HINFP: variants seen among roughly 807,000 people sequenced by gnomAD.
HINFP encodes the protein MBD2 (methyl-CpG-binding protein)-interacting zinc finger protein.
A neutral mutation model predicts 50.1 loss-of-function variants in HINFP; 20 were observed. The observed-to-expected ratio is 0.40, with a 90% CI of 0.28 to 0.58. HINFP has a LOEUF of 0.58. Ranked by LOEUF, HINFP falls within the 20% of genes least tolerant of loss-of-function variation. The pLI, the probability that HINFP is intolerant of heterozygous loss-of-function variation, is 0.45. For missense variants in HINFP, 505 were observed against 664.1 expected (o/e 0.76, Z 2.63); for synonymous variants, 247 against 243.7 (o/e 1.01, Z -0.13).
In HINFP at chr11:119,130,918, C is replaced by G; in HGVS notation, c.375C>G (p.Ile125Met). The change falls in exon 3 of 10, where the codon ATC (isoleucine) becomes ATG (methionine). Residue 125 changes from isoleucine (I) to methionine (M), a missense_variant. By Grantham distance (10) the Ile-to-Met change is conservative. Coordinates refer to ENST00000350777, the MANE Select transcript of HINFP (RefSeq NM_198971.3). ...DFQSRNVIPD[I>M]PDHFLCLWEH... is the part of the protein sequence containing the mutation. ...AGAGCCGGAACGTCATCCCTGATATCCCTGACCACTTCCTGTGTCTGTGGG... is the reference window on the plus strand; with the variant it reads ...AGAGCCGGAACGTCATCCCTGATATGCCTGACCACTTCCTGTGTCTGTGGG... The G allele has an allele frequency of 6.2e-7, 1 of 1,614,200 alleles. No homozygotes were observed. Among genetic ancestry groups the G allele is most frequent in the Non-Finnish European group, 8.5e-7 (1 of 1,180,034 alleles).
At position 119,135,338 on chromosome 11, in the gene HINFP, C is replaced by G. The variant is rs1400034727; in HGVS notation, c.*840C>G. 1 of 152,230 alleles carries G rather than the reference C, an allele frequency of 6.6e-6. No individual in the cohort carries two copies. The highest frequency in any genetic ancestry group is 2.4e-5 in the African/African-American group (1 of 41,424). 9.4% of individuals were successfully genotyped at this position (152,230 alleles called of 1,614,324 possible). A position where few individuals can be genotyped will look rare whatever the true frequency, so the allele number is the denominator to read the frequency against. On this transcript the variant is annotated 3_prime_UTR_variant, in exon 10 of 10. Coordinates refer to ENST00000350777, the MANE Select transcript of HINFP (RefSeq NM_198971.3). Reference sequence around the variant, plus strand: ...TGGGCTCACTGGGAGGATAGGGCAGCTGACCATGGCCTCACTCTGAATACT... The same window carrying G: ...TGGGCTCACTGGGAGGATAGGGCAGGTGACCATGGCCTCACTCTGAATACT...
Position 119,134,776 on chromosome 11 carries a change from A to G in HINFP, c.*278A>G, listed in dbSNP as rs376213313. 1.4e-5 allele frequency: 5 copies of G among 350,230 alleles called. No homozygotes were observed. The highest frequency in any genetic ancestry group is 6.0e-5 in the African/African-American group (3 of 49,802). 21.7% of individuals were successfully genotyped at this position (350,230 alleles called of 1,614,324 possible). ...AAAGAGGCTGTTATCAGGCTTAACCATAACCCTCAAGATCTGCTTGACAGT... is the reference window on the plus strand; with the variant it reads ...AAAGAGGCTGTTATCAGGCTTAACCGTAACCCTCAAGATCTGCTTGACAGT... On this transcript the variant is annotated 3_prime_UTR_variant, in exon 10 of 10. Coordinates refer to ENST00000350777, the MANE Select transcript of HINFP (RefSeq NM_198971.3). The surrounding 1 kb of genome is among the most constrained non-coding windows in gnomAD (Gnocchi z 4.3).
Position 119,131,411 on chromosome 11 carries a change from C to A in HINFP, c.412-124C>A. On this transcript the variant is annotated intron_variant, in intron 3 of 9. Transcript: ENST00000350777. The surrounding 1 kb of genome is among the most constrained non-coding windows in gnomAD (Gnocchi z 4.2). Reference sequence around the variant, plus strand: ...GCCACTCCTCCATTTCTGTGCAGTGCCTTTCCTCAAAATTTCCCATCCCCA... The same window carrying A: ...GCCACTCCTCCATTTCTGTGCAGTGACTTTCCTCAAAATTTCCCATCCCCA... 1.4e-6 allele frequency: 1 copy of A among 731,344 alleles called. No homozygotes were observed. The highest frequency in any genetic ancestry group is 2.5e-6 in the Non-Finnish European group (1 of 405,474). 45.3% of individuals were successfully genotyped at this position (731,344 alleles called of 1,614,324 possible).
At chr11:119,132,188 T>G in intron 5 of HINFP, 1 of 629,870 alleles carries the variant, frequency 1.6e-6, no homozygotes, top group South Asian at 2.0e-5. Flanking sequence ...ATCAGTTACT[T>G]AGGGAATCCT....
In HINFP at chr11:119,131,480, G is replaced by T; in HGVS notation, c.412-55G>T. 8.5e-7 allele frequency: 1 copy of T among 1,174,946 alleles called. No homozygotes were observed. Among genetic ancestry groups the T allele is most frequent in the South Asian group, 1.2e-5 (1 of 82,234 alleles). The allele number at this position is 1,174,946 out of a possible 1,614,324, so 72.8% of individuals were successfully genotyped here. A position where few individuals can be genotyped will look rare whatever the true frequency, so the allele number is the denominator to read the frequency against. On this transcript the variant is annotated intron_variant, in intron 3 of 9. Transcript: ENST00000350777. This position sits in a 1 kb window ranked among gnomAD's most constrained non-coding sequence, Gnocchi z 4.2. The stretch of plus-strand genomic sequence containing the variant: ...GAGCCAAGAATTCTTCGGGCACATA[G>T]GGGTGAGTCCCTCTACCCACCCTCA...
In HINFP at chr11:119,133,127, G is replaced by A. The variant is rs761203860; in HGVS notation, c.1047G>A (p.Val349=). 2 of 1,614,128 alleles carry A rather than the reference G, an allele frequency of 1.2e-6. No individual in the cohort carries two copies. The highest frequency in any genetic ancestry group is 1.7e-5 in the Admixed American group (1 of 60,008). ...GDSEPRYKCH[V]CDKCFTRGNN... is the part of the protein sequence containing the mutation. ...CTGAGCCAAGGTACAAATGTCATGT[G>A]TGTGACAAATGCTTCACACGGGGCA... Residue 349 remains valine (V), a synonymous_variant, in exon 9 of 10, where the codon GTG becomes GTA. Transcript: ENST00000350777.
chr11:119,132,989 G>A lies in HINFP; in HGVS notation c.1001G>A (p.Arg334His), dbSNP rs1947860935. The A allele has an allele frequency of 8.1e-6, 13 of 1,614,214 alleles. No homozygotes were observed. Among genetic ancestry groups the A allele is most frequent in the Non-Finnish European group, 1.1e-5 (13 of 1,180,052 alleles). The part of the protein sequence containing the change: ...RSLCSIKSHY[R>H]KVHEGDSEPR... The stretch of plus-strand genomic sequence containing the variant: ...CTCTGCTCTATCAAGTCCCATTACC[G>A]CAAAGTACATGAAGTGAGTGGGGCT... The change falls in exon 8 of 10, where the codon CGC becomes CAC. Residue 334 changes from arginine to histidine, a missense_variant. Transcript: ENST00000350777.
chr11:119,134,254 G>GA lies in HINFP; in HGVS notation c.1311dup (p.Arg438ThrfsTer2). 1 of 1,614,174 alleles carries GA rather than the reference G, an allele frequency of 6.2e-7. No homozygotes were observed. Among genetic ancestry groups the GA allele is most frequent in the Non-Finnish European group, 8.5e-7 (1 of 1,179,992 alleles). On this transcript the variant is annotated frameshift_variant, in exon 10 of 10. Transcript: ENST00000350777. LOFTEE classifies it low-confidence loss of function (END_TRUNC). The surrounding 1 kb of genome is among the most constrained non-coding windows in gnomAD (Gnocchi z 4.3). ...CTAGAAACAGTGCCAGGGGAGCCAG[G>GA]ACGTAAGGAAGAGGAAGAGGAGGGC...
intron 1 of HINFP, among the ~76,000 whole-genome samples, chr11:119,122,422 T>C (rs1447578906): frequency 1.3e-5 from 2 of 152,158 alleles, no homozygotes; most frequent in South Asian, 2.1e-4. Context: ...AAGCTTCTTA[T>C]AGTCCAATTG....
intron 2 of HINFP, among the ~76,000 whole-genome samples, chr11:119,128,590 A>G (rs1394490318): frequency 2.0e-5 from 3 of 151,908 alleles, no homozygotes; most frequent in Admixed American, 6.6e-5. Flanking sequence ...AGCCTCCCAA[A>G]GTGCTGGGAT....
Position 119,134,442 on chromosome 11 carries a change from G to A in HINFP, c.1498G>A (p.Gly500Ser). ...CCCAGCCCCTGAGCCACCTTCAGGG[G>A]GCATCATGGAAAAGCTTCAAGGAAT... is the stretch of plus-strand genomic sequence containing the variant. ...PPPAPEPPSG[G>S]IMEKLQGIAE... Residue 500 changes from glycine to serine, a missense_variant, in exon 10 of 10, where the codon GGC (glycine) becomes AGC (serine). By Grantham distance (56) the Gly-to-Ser change is moderately conservative. Coordinates refer to ENST00000350777, the MANE Select transcript of HINFP (RefSeq NM_198971.3). The surrounding 1 kb of genome is among the most constrained non-coding windows in gnomAD (Gnocchi z 4.3). 1.2e-6 allele frequency: 2 copies of A among 1,613,328 alleles called. No individual in the cohort carries two copies. The highest frequency in any genetic ancestry group is 1.1e-5 in the South Asian group (1 of 91,066).
intron 2 of HINFP, among the ~76,000 whole-genome samples, chr11:119,128,950 A>G (rs1386715823): frequency 6.6e-6 from 1 of 152,098 alleles, no homozygotes; most frequent in Non-Finnish European, 1.5e-5. Flanking sequence ...CATTTTACAA[A>G]TAAGGAAACG....
At chr11:119,126,905 G>A (rs975242709) in intron 1 of HINFP, 30 bp from the exon 2 acceptor site, 2 of 1,571,614 alleles carry the variant, frequency 1.3e-6, no homozygotes, top group African/African-American at 1.4e-5. Flanking sequence ...TGGAATTCTT[G>A]CAGCTGTGGA....
At position 119,131,456 on chromosome 11, in the gene HINFP, A is replaced by T; in HGVS notation, c.412-79A>T. The T allele has an allele frequency of 1.1e-6, 1 of 939,638 alleles. No individual in the cohort carries two copies. The highest frequency in any genetic ancestry group is 1.8e-6 in the Non-Finnish European group (1 of 566,506). 58.2% of individuals were successfully genotyped at this position (939,638 alleles called of 1,614,324 possible). On this transcript the variant is annotated intron_variant, in intron 3 of 9. Coordinates refer to ENST00000350777, the MANE Select transcript of HINFP (RefSeq NM_198971.3). This position sits in a 1 kb window ranked among gnomAD's most constrained non-coding sequence, Gnocchi z 4.2. ...TCCCCATCAAGTTAATTTGGGAGAG[A>T]GCCAAGAATTCTTCGGGCACATAGG...
Position 119,134,372 on chromosome 11 carries a change from A to G in HINFP, c.1428A>G (p.Gln476=), listed in dbSNP as rs1947952984. 1.9e-6 allele frequency: 3 copies of G among 1,614,008 alleles called. No individual in the cohort carries two copies. The highest frequency in any genetic ancestry group is 2.5e-6 in the Non-Finnish European group (3 of 1,179,962). ...ATCAGACCAATGCCCAAGGCCAGCA[A>G]GAGATCGTCTACTATGTGCTGTCTG... ...VVNQTNAQGQ[Q]EIVYYVLSEA... The change falls in exon 10 of 10, where the codon CAA becomes CAG. Residue 476 remains glutamine, a synonymous_variant. Transcript: ENST00000350777. The surrounding 1 kb of genome is among the most constrained non-coding windows in gnomAD (Gnocchi z 4.3).
chr11:119,127,876 A>T (rs149443914), intron 2 of HINFP, among the ~76,000 whole-genome samples: 2,127 of 142,014 alleles, frequency 0.015, 51 homozygotes, highest in African/African-American at 0.053. Context: ...TTTTTTTTTG[A>T]GACGGAGTCT....
Position 119,135,104 on chromosome 11 carries a change from A to AAAG in HINFP, c.*606_*607insAAG, listed in dbSNP as rs1210036969. Reference sequence around the variant, plus strand: ...GCAGTTTACTAGGTAATGAGGAGATACAGCCACCCAGAAGAGGAGCTGAAT... The same window carrying AAAG: ...GCAGTTTACTAGGTAATGAGGAGATAAAGCAGCCACCCAGAAGAGGAGCTGAAT... On this transcript the variant is annotated 3_prime_UTR_variant, in exon 10 of 10. Transcript: ENST00000350777. 6.5e-6 allele frequency: 1 copy of AAAG among 152,728 alleles called. No individual in the cohort carries two copies. Among genetic ancestry groups the AAAG allele is most frequent in the Non-Finnish European group, 1.5e-5 (1 of 68,100 alleles). The allele number at this position is 152,728 out of a possible 1,614,324, so 9.5% of individuals were successfully genotyped here. A position where few individuals can be genotyped will look rare whatever the true frequency, so the allele number is the denominator to read the frequency against.
intron 5 of HINFP, 108 bp downstream of exon 5, chr11:119,132,090 C>T: frequency 2.3e-6 from 3 of 1,297,220 alleles, no homozygotes; most frequent in Non-Finnish European, 3.2e-6. Context: ...TTTTGGCTGC[C>T]TCTTCTTTTT....
intron 2 of HINFP, among the ~76,000 whole-genome samples, chr11:119,129,537 T>A (rs1464898160): frequency 6.7e-6 from 1 of 149,282 alleles, no homozygotes; most frequent in Admixed American, 6.7e-5. Context: ...CTCCGCTCAC[T>A]GCAAGGTCCG....
Sources: allele counts gnomAD v4.1 joint callset (sites outside exome capture counted in the v4.1 genomes callset), GRCh38; gene constraint gnomAD v4.1.1; non-coding constraint Gnocchi (gnomAD v3.1); transcripts MANE v1.5; gene names NCBI Gene and HGNC (gene_info 2026-07-23, HGNC 2026-07-21).